TECRL: variants seen among roughly 807,000 people sequenced by gnomAD.
The protein encoded by TECRL is trans-2,3-enoyl-CoA reductase-like.
TECRL carries 63 observed loss-of-function variants against 52.8 expected under a neutral mutation model. The ratio of observed to expected loss-of-function variants is 1.19; its 90% CI spans 0.97 to 1.47. The LOEUF (loss-of-function observed/expected upper bound fraction) is 1.47. Ranked by LOEUF, TECRL falls within the 40% of genes most tolerant of loss-of-function variation. TECRL has a pLI of 0.00. For missense variants in TECRL, 482 were observed against 429.6 expected (o/e 1.12, Z -1.08); for synonymous variants, 164 against 141.9 (o/e 1.16, Z -1.10).
intron 2 of TECRL, among the ~76,000 whole-genome samples, chr4:64,347,751 T>C (rs555553478): frequency 1.6e-4 from 24 of 152,264 alleles, no homozygotes; most frequent in African/African-American, 5.8e-4. Context: ...TCTCTGTATG[T>C]GGGGATTACA....
At chr4:64,316,771 C>CT (rs1717524473) in intron 4 of TECRL, among the ~76,000 whole-genome samples, 2 of 152,098 alleles carry the variant, frequency 1.3e-5, no homozygotes, top group Admixed American at 6.5e-5. Context: ...GCAGATACAC[C>CT]TTTTTCTTAT....
intron 2 of TECRL, 63 bp from the exon 3 acceptor site, chr4:64,328,619 C>T: frequency 2.8e-6 from 4 of 1,410,258 alleles, no homozygotes; most frequent in Non-Finnish European, 4.0e-6. Flanking sequence ...ATAAAACTAA[C>T]TGTTTCCATG....
chr4:64,298,778 C>T (rs1408535211), intron 8 of TECRL: 1 of 151,044 alleles, frequency 6.6e-6, no homozygotes, highest in African/African-American at 2.4e-5. Context: ...CTAAAACATA[C>T]TGAAATTACT....
chr4:64,295,630 G>A (rs13104059), intron 8 of TECRL, among the ~76,000 whole-genome samples: 92,772 of 151,456 alleles, frequency 0.61, 31,738 homozygotes, highest in Non-Finnish European at 0.76. Flanking sequence ...TGAAGTAAAT[G>A]ATGTTTGAAA....
chr4:64,352,996 G>GGGATTGGGT (rs2109580500), intron 2 of TECRL, among the ~76,000 whole-genome samples: 1 of 152,284 alleles, frequency 6.6e-6, no homozygotes, highest in Admixed American at 6.5e-5. Flanking sequence ...TTGGATTACA[G>GGGATTGGGT]GCACAAGCCA....
At chr4:64,290,672 C>A (rs1374288611) in intron 8 of TECRL, among the ~76,000 whole-genome samples, 1 of 151,968 alleles carries the variant, frequency 6.6e-6, no homozygotes, top group Non-Finnish European at 1.5e-5. Context: ...ACTTTAATTT[C>A]TGGATGTTTC....
chr4:64,339,687 T>C (rs1349750329), intron 2 of TECRL, among the ~76,000 whole-genome samples: 1 of 151,994 alleles, frequency 6.6e-6, no homozygotes, highest in Non-Finnish European at 1.5e-5. Flanking sequence ...AATCTGAAGA[T>C]TCTCTGCTCT....
intron 4 of TECRL, among the ~76,000 whole-genome samples, chr4:64,321,381 T>A (rs1013379934): frequency 2.6e-5 from 4 of 152,088 alleles, no homozygotes; most frequent in Admixed American, 6.6e-5. Flanking sequence ...GTAATGTTGA[T>A]TGATTGTTAA....
intron 1 of TECRL, among the ~76,000 whole-genome samples, chr4:64,396,466 C>A (rs1265086142): frequency 1.3e-5 from 2 of 151,844 alleles, no homozygotes; most frequent in Non-Finnish European, 2.9e-5. Context: ...TTATATGTAT[C>A]TTTTCATGTC....
chr4:64,333,647 G>A (rs1264368203), intron 2 of TECRL, among the ~76,000 whole-genome samples: 1 of 152,066 alleles, frequency 6.6e-6, no homozygotes, highest in East Asian at 1.9e-4. Flanking sequence ...GCAAATTTAG[G>A]AAGAATGCAC....
chr4:64,391,929 A>C (rs2220080), intron 1 of TECRL, among the ~76,000 whole-genome samples: 135,851 of 151,860 alleles, frequency 0.89, 61,471 homozygotes, highest in East Asian at 1. Flanking sequence ...GACAAAATCA[A>C]GAAAGCTGTC....
rs1171468238 is a variant in TECRL, at chr4:64,314,760, A to G, written c.439T>C (p.Phe147Leu). 22 of 1,595,052 alleles carry G rather than the reference A, an allele frequency of 1.4e-5. No individual in the cohort carries two copies. The South Asian group carries it at 2.3e-4, about 17-fold the overall frequency. The change falls in exon 5 of 12, where the codon TTT (phenylalanine) becomes CTT (leucine). Residue 147 changes from phenylalanine to leucine, a missense_variant. Coordinates refer to ENST00000381210, the MANE Select transcript of TECRL (RefSeq NM_001010874.5). ...LGQQVSWTTV[F>L]LAEYTGPLLI... ...AGAGGTCCTGTGTATTCAGCCAAAA[A>G]CACCTGAAAATAAAACATGATTTAG...
intron 2 of TECRL, among the ~76,000 whole-genome samples, chr4:64,353,513 A>G (rs566624155): frequency 6.6e-6 from 1 of 152,306 alleles, no homozygotes; most frequent in East Asian, 1.9e-4. Flanking sequence ...AATTGGATAT[A>G]GAATGTAAGA....
rs946581866 is a variant in TECRL at position 64,373,682 on chromosome 4, C to G, written c.286+1490G>C. ...TTGTTATTATTGTTTTACATACAAT[C>G]TTCTTGTTACACCTTTCTACTTTAT... On this transcript the variant is annotated intron_variant, in intron 2 of 11. Coordinates refer to ENST00000381210, the MANE Select transcript of TECRL (RefSeq NM_001010874.5). Among the ~76,000 whole-genome samples the G allele has an allele frequency of 3.3e-5, 5 of 151,540 alleles. 1 individual carries two copies. Among genetic ancestry groups the G allele is most frequent in the African/African-American group, 1.2e-4 (5 of 41,348 alleles).
intron 4 of TECRL, among the ~76,000 whole-genome samples, chr4:64,322,215 TAC>T (rs1717947919): frequency 2.0e-5 from 3 of 152,070 alleles, no homozygotes; most frequent in African/African-American, 7.2e-5. Flanking sequence ...CATGTTTTCT[TAC>T]ACATTGTTAC....
At chr4:64,354,475 A>G (rs6819350) in intron 2 of TECRL, among the ~76,000 whole-genome samples, 102,537 of 151,970 alleles carry the variant, frequency 0.67, 35,659 homozygotes, top group Non-Finnish European at 0.76. Flanking sequence ...ACAGATTTCT[A>G]GAAAATTTTT....
chr4:64,356,564 A>G (rs1577927236), intron 2 of TECRL, among the ~76,000 whole-genome samples: 1 of 152,166 alleles, frequency 6.6e-6, no homozygotes, highest in Non-Finnish European at 1.5e-5. Context: ...ATATCCAGGC[A>G]TAGTACCTCC....
intron 2 of TECRL, among the ~76,000 whole-genome samples, chr4:64,369,464 T>C (rs1721837119): frequency 6.6e-6 from 1 of 152,132 alleles, no homozygotes; most frequent in Admixed American, 6.6e-5. Context: ...ATGAACTTTG[T>C]AGTTTTCTAT....
At chr4:64,349,032 G>T (rs1720187159) in intron 2 of TECRL, among the ~76,000 whole-genome samples, 1 of 133,140 alleles carries the variant, frequency 7.5e-6, no homozygotes, top group African/African-American at 2.8e-5. Context: ...GTGTTTAAAT[G>T]TAATTCCTTT....
Sources: allele counts gnomAD v4.1 joint callset (sites outside exome capture counted in the v4.1 genomes callset), GRCh38; gene constraint gnomAD v4.1.1; transcripts MANE v1.5; gene names NCBI Gene and HGNC (gene_info 2026-07-23, HGNC 2026-07-21).